Variants in TMEM72 observed in about 807,000 individuals in gnomAD.
TMEM72 encodes the protein kidney-specific secretory protein of 37 kDa.
A neutral mutation model predicts 16.3 loss-of-function variants in TMEM72; 9 were observed. That is an observed-to-expected ratio of 0.55 (90% CI 0.33 to 0.96). The LOEUF is 0.96. Among genes scored for constraint, TMEM72 ranks in the 40% least tolerant of loss-of-function variants. TMEM72 has a pLI of 0.03. For missense variants in TMEM72, 324 were observed against 337.8 expected, an observed-to-expected ratio of 0.96 and a Z score of 0.32; for synonymous variants, 160 against 146.5, an observed-to-expected ratio of 1.09 and a Z score of -0.66.
intron 1 of TMEM72, among the ~76,000 whole-genome samples, chr10:44,912,763 G>A (rs1839956054): frequency 6.6e-6 from 1 of 152,216 alleles, no homozygotes; most frequent in Non-Finnish European, 1.5e-5. Context: ...ATGGGAAGCT[G>A]GGTCATTTCA....
At chr10:44,915,193 C>T (rs1007561229) in intron 1 of TMEM72, among the ~76,000 whole-genome samples, 1 of 152,220 alleles carries the variant, frequency 6.6e-6, no homozygotes, top group Admixed American at 6.5e-5. Context: ...GAGGCTCCAG[C>T]TTGAGGCCCC....
intron 3 of TMEM72, among the ~76,000 whole-genome samples, chr10:44,933,104 C>A (rs1285283750): frequency 6.6e-6 from 1 of 152,242 alleles, no homozygotes; most frequent in Non-Finnish European, 1.5e-5. Flanking sequence ...CAGCATCAGG[C>A]TTCTGCCAGG....
In TMEM72 at chr10:44,911,518, G is replaced by A; in HGVS notation, c.6G>A (p.Gln2=). M[Q]LQVFWTGLEY... ...TTGTCCTCACCCCTGGCACCATGCA[G>A]CTCCAGGTGTTCTGGACTGGGCTGG... Residue 2 remains glutamine (Q), a synonymous_variant, in exon 1 of 5, where the codon CAG becomes CAA. Transcript: ENST00000389583. The A allele has an allele frequency of 1.3e-6, 2 of 1,551,018 alleles. No homozygotes were observed. The highest frequency in any genetic ancestry group is 1.7e-6 in the Non-Finnish European group (2 of 1,147,100).
At chr10:44,920,534 T>A (rs1276143859) in intron 1 of TMEM72, among the ~76,000 whole-genome samples, 4 of 152,172 alleles carry the variant, frequency 2.6e-5, no homozygotes, top group African/African-American at 9.7e-5. Flanking sequence ...CAACTGGGCT[T>A]TGAGAAGGGA....
At chr10:44,922,392 C>T (rs1216318220) in intron 1 of TMEM72, among the ~76,000 whole-genome samples, 4 of 152,190 alleles carry the variant, frequency 2.6e-5, no homozygotes. Context: ...GGAGAACAGT[C>T]CCCTGGAAAA....
At chr10:44,917,395 A>G (rs1265513184) in intron 1 of TMEM72, among the ~76,000 whole-genome samples, 1 of 152,170 alleles carries the variant, frequency 6.6e-6, no homozygotes, top group Non-Finnish European at 1.5e-5. Flanking sequence ...GCAAAGCAGT[A>G]TGTGACTCAT....
At chr10:44,916,538 T>G (rs117024370) in intron 1 of TMEM72, among the ~76,000 whole-genome samples, 1 of 152,312 alleles carries the variant, frequency 6.6e-6, no homozygotes, top group Non-Finnish European at 1.5e-5. Flanking sequence ...GAAGCAGCCA[T>G]CTTGGGCCCT....
Position 44,933,755 on chromosome 10 carries a change from G to A in TMEM72, c.328G>A (p.Val110Ile). Residue 110 changes from valine to isoleucine, a missense_variant, in exon 4 of 5, where the codon GTC becomes ATC. Physicochemically the swap from Val to Ile is conservative, Grantham distance 29 (BLOSUM62 3). Coordinates refer to ENST00000389583, the MANE Select transcript of TMEM72 (RefSeq NM_001123376.3). ...SVACFLHPVL[V>I]WHVTIPGSML... is the part of the protein sequence containing the mutation. ...GGCCTGCTTCCTCCACCCGGTCCTGGTCTGGCACGTGACCATCCCAGGTAA... is the reference window on the plus strand; with the variant it reads ...GGCCTGCTTCCTCCACCCGGTCCTGATCTGGCACGTGACCATCCCAGGTAA... The A allele has an allele frequency of 1.2e-6, 2 of 1,613,988 alleles. No individual in the cohort carries two copies. The highest frequency in any genetic ancestry group is 1.1e-5 in the South Asian group (1 of 91,078).
Position 44,934,771 on chromosome 10 carries a change from C to T in TMEM72, c.465C>T (p.Ser155=), listed in dbSNP as rs768619195. Residue 155 remains serine (S), a synonymous_variant, in exon 5 of 5, where the codon AGC becomes AGT. Coordinates refer to ENST00000389583, the MANE Select transcript of TMEM72 (RefSeq NM_001123376.3). The part of the protein sequence containing the change: ...SPEQYTDPSS[S]AVSTTGSGDT... ...AGCAGTACACAGACCCCTCTAGCAG[C>T]GCTGTGAGCACCACCGGCTCTGGGG... is the stretch of plus-strand genomic sequence containing the variant. 1.2e-5 allele frequency: 20 copies of T among 1,613,472 alleles called. No individual in the cohort carries two copies. Among genetic ancestry groups the T allele is most frequent in the East Asian group, 4.5e-5 (2 of 44,878 alleles).
At position 44,934,756 on chromosome 10, in the gene TMEM72, A is replaced by C; in HGVS notation, c.450A>C (p.Thr150=). 1.2e-6 allele frequency: 2 copies of C among 1,613,590 alleles called. No homozygotes were observed. The highest frequency in any genetic ancestry group is 1.7e-6 in the Non-Finnish European group (2 of 1,179,978). Reference sequence around the variant, plus strand: ...TGCTGGCCTCCCCAGAGCAGTACACAGACCCCTCTAGCAGCGCTGTGAGCA... The same window carrying C: ...TGCTGGCCTCCCCAGAGCAGTACACCGACCCCTCTAGCAGCGCTGTGAGCA... ...PEVLASPEQY[T]DPSSSAVSTT... is the part of the protein sequence containing the mutation. Residue 150 remains threonine, a synonymous_variant, in exon 5 of 5, where the codon ACA becomes ACC. Coordinates refer to ENST00000389583, the MANE Select transcript of TMEM72 (RefSeq NM_001123376.3).
At chr10:44,934,222 C>T (rs1182308640) in intron 4 of TMEM72, among the ~76,000 whole-genome samples, 1 of 55,214 alleles carries the variant, frequency 1.8e-5, no homozygotes, top group Admixed American at 1.5e-4. Flanking sequence ...CCTACTTCCA[C>T]TTCACGGGTG....
Position 44,911,475 on chromosome 10 carries a change from G to T in TMEM72, c.-38G>T. ...GCATCTCAGGGCCGAAGACTTTGCT[G>T]CCTGCCCTGCCAGGACTTTGTCCTC... On this transcript the variant is annotated 5_prime_UTR_variant, in exon 1 of 5. Coordinates refer to ENST00000389583, the MANE Select transcript of TMEM72 (RefSeq NM_001123376.3). The T allele has an allele frequency of 6.5e-7, 1 of 1,545,906 alleles. No homozygotes were observed. The highest frequency in any genetic ancestry group is 2.4e-5 in the East Asian group (1 of 40,832).
In TMEM72 at chr10:44,935,213, T is replaced by C; in HGVS notation, c.*79T>C. 24 of 1,404,168 alleles carry C rather than the reference T, an allele frequency of 1.7e-5. No homozygotes were observed. Among genetic ancestry groups the C allele is most frequent in the Non-Finnish European group, 2.3e-5 (24 of 1,042,532 alleles). 87.0% of individuals were successfully genotyped at this position (1,404,168 alleles called of 1,614,324 possible). The stretch of plus-strand genomic sequence containing the variant: ...CCCTCCCTGGAGTTTCAGGGTCTTC[T>C]CTGGTCAGCTTTTCAAGGGGTAACC... On this transcript the variant is annotated 3_prime_UTR_variant, in exon 5 of 5. Transcript: ENST00000389583.
intron 1 of TMEM72, among the ~76,000 whole-genome samples, chr10:44,924,319 C>T (rs1840150068): frequency 6.6e-6 from 1 of 152,196 alleles, no homozygotes; most frequent in African/African-American, 2.4e-5. Flanking sequence ...CCTGATAGTC[C>T]CACGAGTGGC....
At chr10:44,928,067 A>G in intron 2 of TMEM72, 80 bp downstream of exon 2, 1 of 1,501,058 alleles carries the variant, frequency 6.7e-7, no homozygotes, top group Non-Finnish European at 9.2e-7. Context: ...AGAATAACTC[A>G]GAGCAGTCCC....
intron 1 of TMEM72, among the ~76,000 whole-genome samples, chr10:44,925,661 G>A (rs563813118): frequency 6.6e-6 from 1 of 152,328 alleles, no homozygotes; most frequent in Non-Finnish European, 1.5e-5. Context: ...GAAAATGAAA[G>A]ACTGAAACTC....
intron 3 of TMEM72, 29 bp from the exon 4 acceptor site, chr10:44,933,608 T>G (rs1234963398): frequency 1.3e-6 from 2 of 1,599,070 alleles, no homozygotes; most frequent in Non-Finnish European, 1.7e-6. Flanking sequence ...CTGGGACACA[T>G]TATGCTAACC....
intron 1 of TMEM72, among the ~76,000 whole-genome samples, chr10:44,927,001 G>A (rs934057999): frequency 6.6e-6 from 1 of 152,140 alleles, no homozygotes; most frequent in Admixed American, 6.5e-5. Context: ...AGGGAGGAGA[G>A]GCCACCCCCA....
intron 2 of TMEM72, among the ~76,000 whole-genome samples, chr10:44,928,811 C>A (rs141351538): frequency 6.6e-6 from 1 of 151,986 alleles, no homozygotes; most frequent in African/African-American, 2.4e-5. Context: ...TCCATCCATC[C>A]ATCCACCCAC....
Sources: allele counts gnomAD v4.1 joint callset (sites outside exome capture counted in the v4.1 genomes callset), GRCh38; gene constraint gnomAD v4.1.1; transcripts MANE v1.5; gene names NCBI Gene and HGNC (gene_info 2026-07-23, HGNC 2026-07-21).